UBE2H: variants seen among roughly 807,000 people sequenced by gnomAD.
UBE2H encodes ubiquitin-conjugating enzyme E2 H.
In UBE2H, 3 loss-of-function variants were observed where a neutral mutation model predicts 29.0. The ratio of observed to expected loss-of-function variants is 0.10; its 90% CI spans 0.05 to 0.27. The LOEUF is 0.27. Among genes scored for constraint, UBE2H ranks in the 10% least tolerant of loss-of-function variants. The probability of loss-of-function intolerance (pLI) is 1.00; values close to 1 mark genes in which losing one functional copy is unlikely to be tolerated. For synonymous variants in UBE2H, 69 were observed against 82.9 expected (o/e 0.83, Z 0.91); for missense variants, 68 against 228.2 (o/e 0.30, Z 4.52).
In UBE2H at chr7:129,922,902, C is replaced by CT. The variant is rs764774966; in HGVS notation, c.53+29600dup. Among the ~76,000 whole-genome samples the CT allele has an allele frequency of 2.5e-3, 379 of 151,590 alleles. 1 individual carries two copies. Among genetic ancestry groups the CT allele is most frequent in the Non-Finnish European group, 3.6e-3 (242 of 67,846 alleles). On this transcript the variant is annotated intron_variant, in intron 1 of 6. Coordinates refer to ENST00000355621, the MANE Select transcript of UBE2H (RefSeq NM_003344.4). Reference sequence around the variant, plus strand: ...TGCCTGGCTTGTATCTGAGATTTTTCTTTTTTTTCTTTTTTTTGAGAAGGA... The same window carrying CT: ...TGCCTGGCTTGTATCTGAGATTTTTCTTTTTTTTTCTTTTTTTTGAGAAGGA...
intron 1 of UBE2H, among the ~76,000 whole-genome samples, chr7:129,914,404 T>C (rs1486191141): frequency 6.6e-6 from 1 of 151,808 alleles, no homozygotes; most frequent in Non-Finnish European, 1.5e-5. Context: ...TGACCTCAAG[T>C]GACCCACACA....
intron 1 of UBE2H, among the ~76,000 whole-genome samples, chr7:129,947,848 CAT>C (rs1485730418): frequency 6.6e-6 from 1 of 152,044 alleles, no homozygotes; most frequent in Admixed American, 6.6e-5. Flanking sequence ...AGTACCCAAA[CAT>C]ATGAGGATTT....
intron 1 of UBE2H, among the ~76,000 whole-genome samples, chr7:129,933,814 G>A (rs1807456851): frequency 6.6e-6 from 1 of 152,152 alleles, no homozygotes; most frequent in Non-Finnish European, 1.5e-5. Context: ...TGTTTGCTGA[G>A]CATCTACTAC....
chr7:129,854,493 T>C (rs1468745612), intron 5 of UBE2H, among the ~76,000 whole-genome samples: 2 of 152,228 alleles, frequency 1.3e-5, no homozygotes, highest in African/African-American at 4.8e-5. Flanking sequence ...TTATGGAACA[T>C]GTTCAGTAAC....
At chr7:129,934,977 GTGTGTGTATATATA>G (rs1563051610) in intron 1 of UBE2H, among the ~76,000 whole-genome samples, 6 of 150,640 alleles carry the variant, frequency 4.0e-5, no homozygotes, top group Non-Finnish European at 7.4e-5. Flanking sequence ...GTGTATATAT[GTGTGTGTATATATA>G]TGTGTGTGTA....
At chr7:129,928,276 G>A (rs1193247521) in intron 1 of UBE2H, among the ~76,000 whole-genome samples, 2 of 151,726 alleles carry the variant, frequency 1.3e-5, no homozygotes. Context: ...GCAAGTCTCT[G>A]TCTCAAAAAA....
rs1805272090 is a variant in UBE2H at position 129,833,691 on chromosome 7, G to C, written c.*1246C>G. 6.6e-6 allele frequency: 1 copy of C among 152,112 alleles called. No individual in the cohort carries two copies. 9.4% of individuals were successfully genotyped at this position (152,112 alleles called of 1,614,324 possible). A position where few individuals can be genotyped will look rare whatever the true frequency, so the allele number is the denominator to read the frequency against. On this transcript the variant is annotated 3_prime_UTR_variant, in exon 7 of 7. Coordinates refer to ENST00000355621, the MANE Select transcript of UBE2H (RefSeq NM_003344.4). The stretch of plus-strand genomic sequence containing the variant: ...GTCACTCTCTGAAAAAAGCTGGTTT[G>C]TTTTTCCCATGTAGAATCACTCTGG...
At chr7:129,835,487 AG>A (rs1432657910) in intron 6 of UBE2H, among the ~76,000 whole-genome samples, 1 of 152,212 alleles carries the variant, frequency 6.6e-6, no homozygotes, top group Non-Finnish European at 1.5e-5. Flanking sequence ...AATTACGGTC[AG>A]TCCAGGTCTA....
At chr7:129,900,623 ATTTT>A (rs547670114) in intron 1 of UBE2H, among the ~76,000 whole-genome samples, 12 of 151,540 alleles carry the variant, frequency 7.9e-5, no homozygotes, top group Non-Finnish European at 1.8e-4. Flanking sequence ...GACCATGTAA[ATTTT>A]TTTTTATTAT....
chr7:129,925,395 G>A (rs1342124758), intron 1 of UBE2H, among the ~76,000 whole-genome samples: 2 of 151,754 alleles, frequency 1.3e-5, no homozygotes, highest in African/African-American at 4.8e-5. Context: ...TTCTCCAGGT[G>A]GAAAAAAAAC....
chr7:129,863,960 T>A (rs969820743), intron 3 of UBE2H, among the ~76,000 whole-genome samples: 4 of 151,966 alleles, frequency 2.6e-5, no homozygotes, highest in African/African-American at 9.7e-5. Flanking sequence ...ACCAGCTAAT[T>A]TTTGTATTTT....
intron 3 of UBE2H, among the ~76,000 whole-genome samples, chr7:129,862,645 AG>A (rs1224816554): frequency 6.6e-6 from 1 of 152,216 alleles, no homozygotes; most frequent in Non-Finnish European, 1.5e-5. Flanking sequence ...GTCACTATAG[AG>A]GGAACAGCCA....
chr7:129,930,191 C>T (rs887174234), intron 1 of UBE2H, among the ~76,000 whole-genome samples: 3 of 152,010 alleles, frequency 2.0e-5, no homozygotes, highest in African/African-American at 7.2e-5. Context: ...GATGGGGTTT[C>T]GCTCTTGTTG....
rs1356995128 is a variant in UBE2H, at chr7:129,942,107, G to A, written c.53+10396C>T. On this transcript the variant is annotated intron_variant, in intron 1 of 6. Transcript: ENST00000355621. ...CGCCTGTAGTCCCAGCTACTCGGGA[G>A]GCTGAAGCAGGAGGATTGAGTTCAG... Among the ~76,000 whole-genome samples, 11 of 151,506 alleles carry A rather than the reference G, an allele frequency of 7.3e-5. No homozygotes were observed. In the South Asian group the frequency reaches 1.9e-3, roughly 26 times the overall value.
chr7:129,849,812 A>G (rs1237063135), intron 5 of UBE2H, among the ~76,000 whole-genome samples: 1 of 152,098 alleles, frequency 6.6e-6, no homozygotes, highest in Non-Finnish European at 1.5e-5. Context: ...CCAAATACTA[A>G]AAGGTATATT....
At position 129,831,372 on chromosome 7, in the gene UBE2H, T is replaced by C. The variant is rs551918313; in HGVS notation, c.*3565A>G. 2.6e-5 allele frequency: 4 copies of C among 152,340 alleles called. No homozygotes were observed. Among genetic ancestry groups the C allele is most frequent in the African/African-American group, 4.8e-5 (2 of 41,596 alleles). The allele number at this position is 152,340 out of a possible 1,614,324, so 9.4% of individuals were successfully genotyped here. On this transcript the variant is annotated 3_prime_UTR_variant, in exon 7 of 7. Transcript: ENST00000355621. Reference sequence around the variant, plus strand: ...CATGCCATTTAAAATCAAACACTAGTTCCCAGAGACTTGGTGTCCAGAAAC... The same window carrying C: ...CATGCCATTTAAAATCAAACACTAGCTCCCAGAGACTTGGTGTCCAGAAAC...
intron 1 of UBE2H, among the ~76,000 whole-genome samples, chr7:129,929,518 T>A (rs900414592): frequency 1.3e-5 from 2 of 151,898 alleles, no homozygotes; most frequent in Non-Finnish European, 2.9e-5. Flanking sequence ...CTTATCACCA[T>A]TTTAAGACAT....
intron 1 of UBE2H, among the ~76,000 whole-genome samples, chr7:129,915,510 G>C (rs1239082197): frequency 1.3e-5 from 2 of 152,112 alleles, no homozygotes; most frequent in Non-Finnish European, 2.9e-5. Flanking sequence ...CTCCAGCCTG[G>C]GTGACAGAGC....
intron 1 of UBE2H, among the ~76,000 whole-genome samples, chr7:129,940,268 G>C (rs1013743820): frequency 1.3e-5 from 2 of 152,160 alleles, no homozygotes; most frequent in African/African-American, 4.8e-5. Flanking sequence ...TTTGTATGTA[G>C]GGAGTATCTC....
Sources: allele counts gnomAD v4.1 joint callset (sites outside exome capture counted in the v4.1 genomes callset), GRCh38; gene constraint gnomAD v4.1.1; transcripts MANE v1.5; gene names NCBI Gene and HGNC (gene_info 2026-07-23, HGNC 2026-07-21).